Variants in NAPB observed in about 807,000 individuals in gnomAD.
NAPB encodes the protein NSF attachment protein beta.
Under a neutral mutation model 44.7 loss-of-function variants are expected in NAPB, and 26 were observed. The observed-to-expected ratio is 0.58, with a 90% CI of 0.43 to 0.81. The LOEUF is 0.81. Among genes scored for constraint, NAPB ranks in the 30% least tolerant of loss-of-function variants. The probability of loss-of-function intolerance (pLI) is 0.00; values close to 1 mark genes in which losing one functional copy is unlikely to be tolerated. For missense variants in NAPB, 315 were observed against 356.4 expected (o/e 0.88, Z 0.94); for synonymous variants, 120 against 116.8 (o/e 1.03, Z -0.18).
intron 2 of NAPB, among the ~76,000 whole-genome samples, chr20:23,398,043 G>A (rs1984505345): frequency 6.6e-6 from 1 of 152,180 alleles, no homozygotes; most frequent in Non-Finnish European, 1.5e-5. Flanking sequence ...TGGAAGTGGA[G>A]GCCAGTGACA....
Position 23,379,499 on chromosome 20 carries a change from G to A in NAPB, c.736-4C>T, listed in dbSNP as rs752317679. ...CTTCATGAGCTTCTAGGAGTTTCTG[G>A]TAGCATAAAAATATTTTAAAAAACA... is the stretch of plus-strand genomic sequence containing the variant. On this transcript the variant is annotated splice_region_variant and splice_polypyrimidine_tract_variant and intron_variant, in intron 9 of 10. Coordinates refer to ENST00000377026, the MANE Select transcript of NAPB (RefSeq NM_022080.3). The A allele has an allele frequency of 6.2e-7, 1 of 1,603,348 alleles. No homozygotes were observed. The highest frequency in any genetic ancestry group is 2.2e-5 in the East Asian group (1 of 44,712).
chr20:23,406,154 C>T (rs765988585), intron 1 of NAPB, among the ~76,000 whole-genome samples: 1 of 152,154 alleles, frequency 6.6e-6, no homozygotes, highest in Admixed American at 6.5e-5. Flanking sequence ...GACGCTGGTG[C>T]CTTGATCTCA....
chr20:23,413,328 C>T (rs1985786538), intron 1 of NAPB, among the ~76,000 whole-genome samples: 1 of 151,354 alleles, frequency 6.6e-6, no homozygotes. Flanking sequence ...AAAGGGGAAA[C>T]AAACTAAGAT....
chr20:23,402,838 T>C (rs1268120702), intron 2 of NAPB, among the ~76,000 whole-genome samples, 155 bp downstream of exon 2: 1 of 152,206 alleles, frequency 6.6e-6, no homozygotes, highest in African/African-American at 2.4e-5. Flanking sequence ...ACCCCTTTAG[T>C]CTCCATATGT....
intron 1 of NAPB, among the ~76,000 whole-genome samples, chr20:23,410,200 C>G (rs1039472219): frequency 3.3e-5 from 5 of 152,200 alleles, no homozygotes; most frequent in Non-Finnish European, 7.3e-5. Flanking sequence ...AGAAGTCACA[C>G]AAACCTACCC....
At chr20:23,381,858 G>A (rs963580352) in intron 7 of NAPB, among the ~76,000 whole-genome samples, 2 of 152,178 alleles carry the variant, frequency 1.3e-5, no homozygotes, top group Non-Finnish European at 2.9e-5. Flanking sequence ...CAGAAAAACT[G>A]AGGCCCTAAC....
intron 5 of NAPB, 88 bp downstream of exon 5, chr20:23,394,834 A>T: frequency 7.4e-7 from 1 of 1,345,042 alleles, no homozygotes; most frequent in Non-Finnish European, 1.1e-6. Flanking sequence ...CTCTACACCT[A>T]CGATCACTCT....
chr20:23,379,796 C>T, intron 9 of NAPB, 71 bp downstream of exon 9: 1 of 1,176,078 alleles, frequency 8.5e-7, no homozygotes, highest in Non-Finnish European at 1.3e-6. Context: ...TCACTTCATA[C>T]CCAATCCCAC....
At chr20:23,413,774 T>C (rs986911924) in intron 1 of NAPB, among the ~76,000 whole-genome samples, 1 of 151,926 alleles carries the variant, frequency 6.6e-6, no homozygotes, top group African/African-American at 2.4e-5. Context: ...TTGACCTCAG[T>C]AGAGATAGAA....
At chr20:23,407,865 A>G (rs1335085769) in intron 1 of NAPB, among the ~76,000 whole-genome samples, 1 of 152,206 alleles carries the variant, frequency 6.6e-6, no homozygotes, top group East Asian at 1.9e-4. Flanking sequence ...TAAAATCTTG[A>G]TTTCCCCCAT....
In NAPB at chr20:23,421,445, G is replaced by T; in HGVS notation, c.-43C>A. 1 of 1,520,880 alleles carries T rather than the reference G, an allele frequency of 6.6e-7. No homozygotes were observed. Among genetic ancestry groups the T allele is most frequent in the Non-Finnish European group, 8.9e-7 (1 of 1,129,578 alleles). 94.2% of individuals were successfully genotyped at this position (1,520,880 alleles called of 1,614,324 possible). A position where few individuals can be genotyped will look rare whatever the true frequency, so the allele number is the denominator to read the frequency against. ...CCACAGCCCCCTCAGCCGGCTCGCT[G>T]TGCGCCCAGGCGCCTTAACCCTCCC... On this transcript the variant is annotated 5_prime_UTR_variant, in exon 1 of 11. Coordinates refer to ENST00000377026, the MANE Select transcript of NAPB (RefSeq NM_022080.3).
At chr20:23,415,136 A>G (rs1985914774) in intron 1 of NAPB, among the ~76,000 whole-genome samples, 2 of 152,200 alleles carry the variant, frequency 1.3e-5, no homozygotes, top group South Asian at 4.1e-4. Context: ...TAGCAAAATC[A>G]ACAGATACTG....
chr20:23,411,416 GA>G (rs1030079977), intron 1 of NAPB, among the ~76,000 whole-genome samples: 4 of 152,064 alleles, frequency 2.6e-5, no homozygotes, highest in Admixed American at 1.3e-4. Context: ...ACTCAAGGGG[GA>G]AAAAAGTGTG....
In NAPB at chr20:23,402,987, A is replaced by G. The variant is rs1239271448; in HGVS notation, c.178+6T>C. On this transcript the variant is annotated splice_donor_region_variant and intron_variant, in intron 2 of 10. Coordinates refer to ENST00000377026, the MANE Select transcript of NAPB (RefSeq NM_022080.3). ...CCTAAAAAGCAAACAAAAACTTTGT[A>G]CATACCACTCCAATTTTTAGCCATC... 1 of 1,610,924 alleles carries G rather than the reference A, an allele frequency of 6.2e-7. No homozygotes were observed. The highest frequency in any genetic ancestry group is 1.1e-5 in the South Asian group (1 of 90,874).
At chr20:23,420,442 G>A (rs1014908288) in intron 1 of NAPB, among the ~76,000 whole-genome samples, 4 of 152,112 alleles carry the variant, frequency 2.6e-5, no homozygotes, top group African/African-American at 9.7e-5. Context: ...CCTGGAGAGA[G>A]GCCAACAAGC....
intron 5 of NAPB, among the ~76,000 whole-genome samples, chr20:23,390,750 C>T (rs1983887701): frequency 6.6e-6 from 1 of 151,986 alleles, no homozygotes. Context: ...GTACCTCCAA[C>T]CCCAGTGTCT....
At chr20:23,379,353 T>C in intron 10 of NAPB, 92 bp downstream of exon 10, 1 of 998,106 alleles carries the variant, frequency 1.0e-6, no homozygotes, top group South Asian at 1.6e-5. Flanking sequence ...CATGTTCAAA[T>C]AAATGTTTAG....
At chr20:23,380,940 T>A in intron 8 of NAPB, 1 of 314,312 alleles carries the variant, frequency 3.2e-6, no homozygotes, top group Non-Finnish European at 6.0e-6. Flanking sequence ...CCCATTCAAG[T>A]ACCAGGCTCT....
intron 1 of NAPB, among the ~76,000 whole-genome samples, chr20:23,416,143 C>A (rs531410432): frequency 1.3e-5 from 2 of 152,302 alleles, no homozygotes; most frequent in South Asian, 4.1e-4. Context: ...ATGCCTCAGG[C>A]TGGGTGAGGT....
Sources: gnomAD v4.1 joint callset for allele counts (sites outside exome capture counted in the v4.1 genomes callset) on GRCh38, gnomAD v4.1.1 for gene constraint, MANE v1.5 for transcripts, NCBI Gene and HGNC (gene_info 2026-07-23, HGNC 2026-07-21) for gene names.